DEPDC7: variants seen among roughly 807,000 people sequenced by gnomAD.
DEPDC7 encodes the protein DEP domain containing 7, also known as DEP domain-containing protein 7.
A neutral mutation model predicts 56.6 loss-of-function variants in DEPDC7; 41 were observed. That is an observed-to-expected ratio of 0.72 (90% CI 0.56 to 0.94). DEPDC7 has a LOEUF of 0.94. Ranked by LOEUF, DEPDC7 falls within the 40% of genes least tolerant of loss-of-function variation. DEPDC7 has a pLI of 0.00. For missense variants in DEPDC7, 522 were observed against 596.3 expected, an observed-to-expected ratio of 0.88 and a Z score of 1.30; for synonymous variants, 185 against 208.8, an observed-to-expected ratio of 0.89 and a Z score of 0.98.
chr11:33,026,179 T>C, intron 2 of DEPDC7, 130 bp downstream of exon 2: 1 of 992,420 alleles, frequency 1.0e-6, no homozygotes, highest in Non-Finnish European at 1.5e-6. Context: ...TGTGGGTAAA[T>C]TTGATAAAGT....
At chr11:33,021,433 A>G (rs1564963477) in intron 1 of DEPDC7, among the ~76,000 whole-genome samples, 1 of 152,246 alleles carries the variant, frequency 6.6e-6, no homozygotes, top group East Asian at 1.9e-4. Context: ...GGTCTCTTAA[A>G]TCCTGTTTAG....
chr11:33,017,760 C>G (rs1405370955), intron 1 of DEPDC7, among the ~76,000 whole-genome samples: 1 of 152,194 alleles, frequency 6.6e-6, no homozygotes, highest in East Asian at 1.9e-4. Context: ...CGATTAGTAA[C>G]TCTCACTTAC....
chr11:33,020,104 T>G (rs1853508486), intron 1 of DEPDC7, among the ~76,000 whole-genome samples: 1 of 152,154 alleles, frequency 6.6e-6, no homozygotes, highest in South Asian at 2.1e-4. Context: ...TTTTCATAGG[T>G]TTTCACAGTA....
intron 1 of DEPDC7, among the ~76,000 whole-genome samples, chr11:33,017,302 C>T (rs1332641789): frequency 6.6e-6 from 1 of 152,068 alleles, no homozygotes; most frequent in Non-Finnish European, 1.5e-5. Context: ...ATCTTTTGGG[C>T]CCACTTACTC....
intron 4 of DEPDC7, among the ~76,000 whole-genome samples, chr11:33,030,452 C>CGATAGATAGATAGATAGATAGATAGATA (rs61268969): frequency 9.9e-5 from 15 of 150,860 alleles, no homozygotes; most frequent in African/African-American, 3.7e-4. Context: ...TGCTTTTTAA[C>CGATAGATAGATAGATAGATAGATAGATA]GATAGATAGA....
In DEPDC7 at chr11:33,032,928, A is replaced by G; in HGVS notation, c.1303A>G (p.Met435Val). ...TLHKIVSVKL[M>V]AIQNGRDPNR... Reference sequence around the variant, plus strand: ...ACATAAAATTGTAAGTGTTAAGCTTATGGCCATACAGAACGGAAGAGATCC... The same window carrying G: ...ACATAAAATTGTAAGTGTTAAGCTTGTGGCCATACAGAACGGAAGAGATCC... Residue 435 changes from methionine (M) to valine (V), a missense_variant, in exon 8 of 9, where the codon ATG becomes GTG. Coordinates refer to ENST00000241051, the MANE Select transcript of DEPDC7 (RefSeq NM_001077242.2). 2 of 1,605,500 alleles carry G rather than the reference A, an allele frequency of 1.2e-6. No homozygotes were observed. The highest frequency in any genetic ancestry group is 1.7e-6 in the Non-Finnish European group (2 of 1,176,142).
Position 33,032,800 on chromosome 11 carries a change from T to C in DEPDC7, c.1263+7T>C, listed in dbSNP as rs776038528. 6.3e-7 allele frequency: 1 copy of C among 1,597,058 alleles called. No homozygotes were observed. Among genetic ancestry groups the C allele is most frequent in the Admixed American group, 1.8e-5 (1 of 55,422 alleles). On this transcript the variant is annotated splice_region_variant and intron_variant, in intron 7 of 8. Coordinates refer to ENST00000241051, the MANE Select transcript of DEPDC7 (RefSeq NM_001077242.2). Reference sequence around the variant, plus strand: ...TCAGAAAGATGTTTTTAAGGTAAAATTGTGAAAGTAGTTAAATTGAGCTTA... The same window carrying C: ...TCAGAAAGATGTTTTTAAGGTAAAACTGTGAAAGTAGTTAAATTGAGCTTA...
At chr11:33,029,643 T>G (rs1853613292) in intron 4 of DEPDC7, among the ~76,000 whole-genome samples, 1 of 152,192 alleles carries the variant, frequency 6.6e-6, no homozygotes, top group Admixed American at 6.5e-5. Context: ...ACTCATAACT[T>G]TGAGGCTCTT....
At chr11:33,022,045 A>G (rs1289242840) in intron 1 of DEPDC7, among the ~76,000 whole-genome samples, 2 of 152,216 alleles carry the variant, frequency 1.3e-5, no homozygotes, top group Non-Finnish European at 2.9e-5. Flanking sequence ...TAACCTACTT[A>G]TAGCTCAAGT....
At chr11:33,016,826 C>G (rs1288563008) in intron 1 of DEPDC7, among the ~76,000 whole-genome samples, 1 of 152,194 alleles carries the variant, frequency 6.6e-6, no homozygotes, top group Non-Finnish European at 1.5e-5. Flanking sequence ...ATAGGGGTGA[C>G]TCAGATAACT....
chr11:33,026,095 T>C, intron 2 of DEPDC7, 46 bp downstream of exon 2: 1 of 1,604,902 alleles, frequency 6.2e-7, no homozygotes, highest in Non-Finnish European at 8.5e-7. Context: ...GGCAGGATTT[T>C]GTCTACCTTT....
Position 33,028,785 on chromosome 11 carries a change from G to C in DEPDC7, c.775G>C (p.Asp259His). ...TCGAGGGATTCTCAAGGCTTATAGT[G>C]ACTCTCAGTATGTGGAAATACATAT... is the stretch of plus-strand genomic sequence containing the variant. ...LDRGILKAYS[D>H]SQEDEWLSAA... is the part of the protein sequence containing the mutation. The change falls in exon 4 of 9, where the codon GAC becomes CAC. Residue 259 changes from aspartate (D) to histidine (H), a missense_variant. Transcript: ENST00000241051. The C allele has an allele frequency of 6.2e-7, 1 of 1,604,764 alleles. No homozygotes were observed. Among genetic ancestry groups the C allele is most frequent in the Non-Finnish European group, 8.5e-7 (1 of 1,176,984 alleles).
At chr11:33,024,291 T>C (rs930592463) in intron 1 of DEPDC7, among the ~76,000 whole-genome samples, 8 of 152,246 alleles carry the variant, frequency 5.3e-5, no homozygotes, top group Admixed American at 1.3e-4. Flanking sequence ...ACTCTGTCTT[T>C]GCAATAGGTC....
intron 1 of DEPDC7, among the ~76,000 whole-genome samples, chr11:33,022,433 G>A (rs956484553): frequency 6.6e-6 from 1 of 152,150 alleles, no homozygotes; most frequent in African/African-American, 2.4e-5. Context: ...CTGTGTAACT[G>A]TGGGCACATT....
intron 5 of DEPDC7, 90 bp downstream of exon 5, chr11:33,031,679 A>G: frequency 6.0e-6 from 6 of 1,007,734 alleles, no homozygotes; most frequent in Non-Finnish European, 9.0e-6. Context: ...TAGTACTACT[A>G]CAAGCTGGGA....
At chr11:33,024,405 T>G (rs1411112633) in intron 1 of DEPDC7, among the ~76,000 whole-genome samples, 1 of 152,202 alleles carries the variant, frequency 6.6e-6, no homozygotes, top group Non-Finnish European at 1.5e-5. Flanking sequence ...ATTAGTTTAT[T>G]CCTGCAATGA....
intron 4 of DEPDC7, among the ~76,000 whole-genome samples, chr11:33,029,621 G>A (rs565478566): frequency 6.0e-4 from 91 of 151,662 alleles, no homozygotes; most frequent in South Asian, 4.6e-3. Flanking sequence ...CCTTAAAGAC[G>A]AGTTCTGTAT....
intron 1 of DEPDC7, among the ~76,000 whole-genome samples, chr11:33,024,465 G>A (rs181867275): frequency 3.3e-5 from 5 of 151,128 alleles, no homozygotes; most frequent in Non-Finnish European, 7.4e-5. Context: ...ATCATGCGTA[G>A]TGTAATGACG....
At position 33,031,413 on chromosome 11, in the gene DEPDC7, T is replaced by C. The variant is rs1249293804; in HGVS notation, c.818T>C (p.Leu273Ser). ...DEWLSAAIDCLEYLPDQMVVE... is the reference protein window; with the variant it reads ...DEWLSAAIDCSEYLPDQMVVE... ...TGGCTCTCGGCAGCAATTGACTGTT[T>C]AGAATACCTTCCAGACCAAATGGTG... The change falls in exon 5 of 9, where the codon TTA (leucine) becomes TCA (serine). Residue 273 changes from leucine to serine, a missense_variant. By Grantham distance (145) the Leu-to-Ser change is moderately radical. Transcript: ENST00000241051. 2 of 1,614,194 alleles carry C rather than the reference T, an allele frequency of 1.2e-6. No homozygotes were observed. The highest frequency in any genetic ancestry group is 2.2e-5 in the East Asian group (1 of 44,872).
Sources: gnomAD v4.1 joint callset for allele counts (sites outside exome capture counted in the v4.1 genomes callset) on GRCh38, gnomAD v4.1.1 for gene constraint, MANE v1.5 for transcripts, NCBI Gene and HGNC (gene_info 2026-07-23, HGNC 2026-07-21) for gene names.